The following ANKFN1 variants were observed in gnomAD, a reference collection of about 807,000 sequenced individuals.
ANKFN1 encodes the protein ankyrin repeat and fibronectin type-III domain-containing protein 1.
ANKFN1 carries 74 observed loss-of-function variants against 108.7 expected under a neutral mutation model. That is an observed-to-expected ratio of 0.68 (90% CI 0.56 to 0.83). The LOEUF is 0.83. Among genes scored for constraint, ANKFN1 ranks in the 40% least tolerant of loss-of-function variants. The probability of loss-of-function intolerance (pLI) is 0.00; values close to 1 mark genes in which losing one functional copy is unlikely to be tolerated. For missense variants in ANKFN1, 1,505 were observed against 1,382.3 expected (o/e 1.09, Z -1.41); for synonymous variants, 547 against 516.2 (o/e 1.06, Z -0.81).
chr17:56,181,580 T>C (rs1911680288), intron 1 of ANKFN1, among the ~76,000 whole-genome samples: 1 of 152,172 alleles, frequency 6.6e-6, no homozygotes, highest in Non-Finnish European at 1.5e-5. Context: ...GAATTTCCAA[T>C]CATCCATTAC....
At chr17:56,173,780 C>T (rs1414841869) in intron 1 of ANKFN1, among the ~76,000 whole-genome samples, 10 of 152,142 alleles carry the variant, frequency 6.6e-5, no homozygotes, top group Non-Finnish European at 1.5e-4. Context: ...GTCCTTTTAA[C>T]TTACTACTGT....
intron 3 of ANKFN1, among the ~76,000 whole-genome samples, chr17:56,277,112 C>T (rs1051493140): frequency 6.6e-6 from 1 of 152,172 alleles, no homozygotes; most frequent in East Asian, 1.9e-4. Flanking sequence ...GCCAAGCTCC[C>T]ACTACCATGT....
At chr17:56,401,494 T>G (rs2047765016) in intron 8 of ANKFN1, among the ~76,000 whole-genome samples, 1 of 152,006 alleles carries the variant, frequency 6.6e-6, no homozygotes. Flanking sequence ...TTGGCTGCTG[T>G]TGGTGTATAG....
At chr17:56,502,030 G>A (rs1212487042) in intron 20 of ANKFN1, among the ~76,000 whole-genome samples, 1 of 152,196 alleles carries the variant, frequency 6.6e-6, no homozygotes, top group Non-Finnish European at 1.5e-5. Context: ...AATCTTGGCT[G>A]CAAAAGGGAA....
At chr17:56,476,525 A>G (rs1189130234) in intron 15 of ANKFN1, among the ~76,000 whole-genome samples, 2 of 152,244 alleles carry the variant, frequency 1.3e-5, no homozygotes, top group Admixed American at 6.5e-5. Context: ...AAATTCAATG[A>G]AAATCCATTA....
chr17:56,458,205 A>G (rs994760582), intron 14 of ANKFN1, among the ~76,000 whole-genome samples: 9 of 152,136 alleles, frequency 5.9e-5, no homozygotes, highest in African/African-American at 1.9e-4. Context: ...TCTCTCTTGA[A>G]CAGTATATAG....
chr17:56,329,687 G>A (rs2045610597), intron 4 of ANKFN1, among the ~76,000 whole-genome samples: 1 of 152,136 alleles, frequency 6.6e-6, no homozygotes, highest in Non-Finnish European at 1.5e-5. Flanking sequence ...GGCTATTATG[G>A]GATTCAATAC....
At chr17:56,490,935 GAA>G (rs5821130) in intron 18 of ANKFN1, among the ~76,000 whole-genome samples, 2 of 151,522 alleles carry the variant, frequency 1.3e-5, no homozygotes, top group Non-Finnish European at 2.9e-5. Flanking sequence ...TATCCCCAGA[GAA>G]AAAAAAGCAA....
At chr17:56,333,308 C>CT (rs2045716421) in intron 4 of ANKFN1, among the ~76,000 whole-genome samples, 1 of 151,936 alleles carries the variant, frequency 6.6e-6, no homozygotes, top group Non-Finnish European at 1.5e-5. Context: ...TTAAAATATT[C>CT]TTTTAATCAG....
intron 3 of ANKFN1, among the ~76,000 whole-genome samples, chr17:56,315,357 T>C (rs1567907306): frequency 1.3e-5 from 2 of 152,224 alleles, no homozygotes; most frequent in Non-Finnish European, 2.9e-5. Context: ...TGAGAATGGA[T>C]AATCAGCCTT....
At chr17:56,110,075 T>C (rs951971197) in intron 4 of ANKFN1, among the ~76,000 whole-genome samples, 2 of 152,210 alleles carry the variant, frequency 1.3e-5, no homozygotes, top group African/African-American at 4.8e-5. Context: ...TTAACCAATA[T>C]TGTTGGCCAG....
At chr17:56,293,493 C>T (rs992325332) in intron 3 of ANKFN1, among the ~76,000 whole-genome samples, 1 of 152,274 alleles carries the variant, frequency 6.6e-6, no homozygotes, top group Non-Finnish European at 1.5e-5. Context: ...TGTATTCTTG[C>T]ACATATGCAC....
intron 4 of ANKFN1, among the ~76,000 whole-genome samples, chr17:56,108,836 A>T (rs1042195415): frequency 2.0e-5 from 3 of 152,242 alleles, no homozygotes; most frequent in Non-Finnish European, 2.9e-5. Flanking sequence ...TTATAAGCTG[A>T]ACCTGTTTCT....
intron 4 of ANKFN1, among the ~76,000 whole-genome samples, chr17:56,083,810 G>T (rs17820956): frequency 0.012 from 1,787 of 151,490 alleles, 91 homozygotes; most frequent in Middle Eastern, 0.038. Flanking sequence ...TAGGACCTTT[G>T]TTTGTGGAAG....
intron 4 of ANKFN1, among the ~76,000 whole-genome samples, chr17:56,108,609 T>C (rs932427207): frequency 6.6e-6 from 1 of 152,202 alleles, no homozygotes; most frequent in Non-Finnish European, 1.5e-5. Flanking sequence ...ACTTAACCAA[T>C]ATATAACGCA....
At chr17:56,341,469 G>C (rs967703712) in intron 4 of ANKFN1, among the ~76,000 whole-genome samples, 7 of 151,990 alleles carry the variant, frequency 4.6e-5, no homozygotes, top group African/African-American at 1.7e-4. Context: ...ATTATTTTGA[G>C]GTATGTTCCT....
intron 15 of ANKFN1, chr17:56,471,771 G>A (rs183671567): frequency 6.6e-6 from 1 of 152,342 alleles, no homozygotes; most frequent in East Asian, 1.9e-4. Flanking sequence ...GTAATGCTGA[G>A]TGAAAGAAGC....
chr17:56,443,539 G>T (rs908748866), intron 10 of ANKFN1, among the ~76,000 whole-genome samples: 2 of 152,096 alleles, frequency 1.3e-5, no homozygotes, highest in African/African-American at 4.8e-5. Flanking sequence ...CTCACCCGCA[G>T]TGCACACATC....
chr17:56,460,786 C>T (rs116181937), intron 14 of ANKFN1, among the ~76,000 whole-genome samples: 360 of 152,100 alleles, frequency 2.4e-3, no homozygotes, highest in Middle Eastern at 0.01. Context: ...AGTTAAATCT[C>T]CCCCTAAATT....
Sources: allele counts gnomAD v4.1 joint callset (sites outside exome capture counted in the v4.1 genomes callset), GRCh38; gene constraint gnomAD v4.1.1; transcripts MANE v1.5; gene names NCBI Gene and HGNC (gene_info 2026-07-23, HGNC 2026-07-21).